The following KIRREL3 variants were observed in gnomAD, a reference collection of about 807,000 sequenced individuals.
The protein encoded by KIRREL3 is kirre like nephrin family adhesion molecule 3.
Under a neutral mutation model 89.7 loss-of-function variants are expected in KIRREL3, and 36 were observed. That is an observed-to-expected ratio of 0.40 (90% CI 0.31 to 0.53). The LOEUF is 0.53. KIRREL3 is among the 20% of genes least tolerant of loss of function. The pLI is 0.49. For synonymous variants in KIRREL3, 445 were observed against 441.4 expected, an observed-to-expected ratio of 1.01 and a Z score of -0.10; for missense variants, 864 against 1,056.6, an observed-to-expected ratio of 0.82 and a Z score of 2.53.
Position 126,443,955 on chromosome 11 carries a change from G to C in KIRREL3, c.1252+1024C>G, listed in dbSNP as rs1037605951. ...AGCATTCGGAAACGGCAGAGGAATC[G>C]AACTGGCAGCTTTGCTTTTTGCCTG... On this transcript the variant is annotated intron_variant, in intron 10 of 16. Coordinates refer to ENST00000525144, the MANE Select transcript of KIRREL3 (RefSeq NM_032531.4). The surrounding 1 kb of genome is among the most constrained non-coding windows in gnomAD (Gnocchi z 7.3). Among the ~76,000 whole-genome samples the C allele has an allele frequency of 2.0e-5, 3 of 152,188 alleles. No homozygotes were observed. Among genetic ancestry groups the C allele is most frequent in the African/African-American group, 7.2e-5 (3 of 41,434 alleles).
At chr11:126,718,489 C>T (rs1948053591) in intron 1 of KIRREL3, among the ~76,000 whole-genome samples, 1 of 152,198 alleles carries the variant, frequency 6.6e-6, no homozygotes, top group African/African-American at 2.4e-5. Flanking sequence ...TTGGCTGTGC[C>T]TGCTTTTGGC....
chr11:126,678,741 A>T (rs1349989526), intron 1 of KIRREL3, among the ~76,000 whole-genome samples: 3 of 151,834 alleles, frequency 2.0e-5, no homozygotes, highest in Non-Finnish European at 4.4e-5. Flanking sequence ...CCCTATGTCC[A>T]CTGCCCAGTC....
rs1950827407 is a variant in KIRREL3 at position 126,796,825 on chromosome 11, TA to T, written c.55+203629del. ...CTGATTTTTTCCCACCCCTGCTTTT[TA>T]AAAATGTTGGTGCTCCAATTAGAGC... On this transcript the variant is annotated intron_variant, in intron 1 of 16. Transcript: ENST00000525144. The surrounding 1 kb of genome is among the most constrained non-coding windows in gnomAD (Gnocchi z 5.1). Among the ~76,000 whole-genome samples, 2 of 152,218 alleles carry T rather than the reference TA, an allele frequency of 1.3e-5. No individual in the cohort carries two copies. The highest frequency in any genetic ancestry group is 4.8e-5 in the African/African-American group (2 of 41,548).
intron 1 of KIRREL3, among the ~76,000 whole-genome samples, chr11:126,626,021 G>C (rs184161854): frequency 1.3e-5 from 2 of 152,372 alleles, no homozygotes; most frequent in Non-Finnish European, 2.9e-5. Context: ...CATGCAGTAA[G>C]TGTACTACAT....
chr11:126,765,107 G>A (rs1245085599), intron 1 of KIRREL3, among the ~76,000 whole-genome samples: 1 of 152,138 alleles, frequency 6.6e-6, no homozygotes, highest in Non-Finnish European at 1.5e-5. Flanking sequence ...AAGAGTTTCT[G>A]GAATCTTCAA....
Position 126,424,956 on chromosome 11 carries a change from A to G in KIRREL3, c.1961T>C (p.Leu654Pro), listed in dbSNP as rs763653865. Residue 654 changes from leucine (L) to proline (P), a missense_variant, in exon 17 of 17, where the codon CTC (leucine) becomes CCC (proline). Transcript: ENST00000525144. ...ACGCAGGTCGGGCTGGCAGCTGGAG[A>G]GGGAGATGGTCGGGGTTGAGTGGTG... is the stretch of plus-strand genomic sequence containing the variant. ...KEHHSTPTIS[L>P]SSCQPDLRPA... 13 of 1,592,276 alleles carry G rather than the reference A, an allele frequency of 8.2e-6. No homozygotes were observed. The highest frequency in any genetic ancestry group is 1.1e-5 in the Non-Finnish European group (13 of 1,166,710).
chr11:126,796,085 T>G lies in KIRREL3; in HGVS notation c.55+204370A>C, dbSNP rs1006961027. On this transcript the variant is annotated intron_variant, in intron 1 of 16. Coordinates refer to ENST00000525144, the MANE Select transcript of KIRREL3 (RefSeq NM_032531.4). This position sits in a 1 kb window ranked among gnomAD's most constrained non-coding sequence, Gnocchi z 5.1. ...ACTAACCTTTCAATGGGACACGTTT[T>G]TATCCATGGGGTCCATGGATCTTAT... Among the ~76,000 whole-genome samples the G allele has an allele frequency of 1.3e-5, 2 of 152,302 alleles. No individual in the cohort carries two copies. The highest frequency in any genetic ancestry group is 4.2e-4 in the South Asian group (2 of 4,818).
chr11:126,940,944 G>A lies in KIRREL3; in HGVS notation c.55+59511C>T, dbSNP rs1387175340. 2.0e-5 allele frequency: 3 copies of A among 151,826 alleles called. No individual in the cohort carries two copies. Among genetic ancestry groups the A allele is most frequent in the Non-Finnish European group, 4.4e-5 (3 of 67,990 alleles). The allele number at this position is 151,826 out of a possible 1,614,324, so 9.4% of individuals were successfully genotyped here. On this transcript the variant is annotated intron_variant, in intron 1 of 16. Transcript: ENST00000525144. This position sits in a 1 kb window ranked among gnomAD's most constrained non-coding sequence, Gnocchi z 4.6. ...GTCCTAGTGAGTTCACTTATGTCTG[G>A]GTTACTGTAGATTTGGGTTTTGCTA... is the stretch of plus-strand genomic sequence containing the variant.
intron 1 of KIRREL3, among the ~76,000 whole-genome samples, chr11:126,794,974 CAGA>C (rs1421167681): frequency 1.8e-4 from 27 of 152,276 alleles, no homozygotes; most frequent in South Asian, 4.1e-4. Context: ...CATTGCTAAG[CAGA>C]AGAAGTCAGT....
rs1956313028 is a variant in KIRREL3, at chr11:126,455,692, A to C, written c.848+657T>G. On this transcript the variant is annotated intron_variant, in intron 7 of 16. Transcript: ENST00000525144. The surrounding 1 kb of genome is among the most constrained non-coding windows in gnomAD (Gnocchi z 6.4). ...GCGCCTGTAGTCCCAGCTACTTGGG[A>C]GGCTGAGGCGGGAGAATGGCGTGAA... Among the ~76,000 whole-genome samples the C allele has an allele frequency of 6.6e-6, 1 of 151,652 alleles. No individual in the cohort carries two copies. Among genetic ancestry groups the C allele is most frequent in the African/African-American group, 2.4e-5 (1 of 41,288 alleles).
In KIRREL3 at chr11:126,443,690, A is replaced by T. The variant is rs1257056955; in HGVS notation, c.1252+1289T>A. On this transcript the variant is annotated intron_variant, in intron 10 of 16. Transcript: ENST00000525144. This position sits in a 1 kb window ranked among gnomAD's most constrained non-coding sequence, Gnocchi z 7.3. ...CAAGCTGGTTTTGGTTTTCTAGCGA[A>T]GGGGAGAATAGATGAGGCCATCAGC... Among the ~76,000 whole-genome samples, 1 of 152,128 alleles carries T rather than the reference A, an allele frequency of 6.6e-6. No homozygotes were observed. The highest frequency in any genetic ancestry group is 1.5e-5 in the Non-Finnish European group (1 of 68,016).
chr11:126,598,830 T>C (rs1371893477), intron 1 of KIRREL3, among the ~76,000 whole-genome samples: 1 of 152,196 alleles, frequency 6.6e-6, no homozygotes, highest in Non-Finnish European at 1.5e-5. Flanking sequence ...GAATAATAAT[T>C]CTGGCTTTGT....
intron 1 of KIRREL3, among the ~76,000 whole-genome samples, chr11:126,707,275 T>A (rs1200718985): frequency 6.7e-6 from 1 of 149,024 alleles, no homozygotes; most frequent in African/African-American, 2.5e-5. Flanking sequence ...GGCTTTTGAC[T>A]GTACATACAT....
At chr11:126,726,505 T>A (rs1191837480) in intron 1 of KIRREL3, among the ~76,000 whole-genome samples, 1 of 152,166 alleles carries the variant, frequency 6.6e-6, no homozygotes, top group Non-Finnish European at 1.5e-5. Flanking sequence ...GTAGCTGAGA[T>A]TACAGGCATG....
chr11:126,851,674 G>C (rs1315324404), intron 1 of KIRREL3, among the ~76,000 whole-genome samples: 2 of 152,166 alleles, frequency 1.3e-5, no homozygotes, highest in African/African-American at 2.4e-5. Flanking sequence ...ATCTTCCAGT[G>C]TGGTTTTCTG....
rs911768875 is a variant in KIRREL3 at position 126,441,020 on chromosome 11, C to A, written c.1253-471G>T. On this transcript the variant is annotated intron_variant, in intron 10 of 16. Coordinates refer to ENST00000525144, the MANE Select transcript of KIRREL3 (RefSeq NM_032531.4). This position sits in a 1 kb window ranked among gnomAD's most constrained non-coding sequence, Gnocchi z 5.0. The stretch of plus-strand genomic sequence containing the variant: ...CCTCAGATATCCAGTAGAGGGCGCC[C>A]TTGCCTAACAAATGGGAGCTGCTCG... 5.1e-5 allele frequency: 9 copies of A among 177,866 alleles called. No homozygotes were observed. The highest frequency in any genetic ancestry group is 1.1e-4 in the Non-Finnish European group (9 of 82,554). The allele number at this position is 177,866 out of a possible 1,614,324, so 11.0% of individuals were successfully genotyped here.
chr11:126,657,248 T>TCAA (rs1565625560), intron 1 of KIRREL3, among the ~76,000 whole-genome samples: 4 of 30,330 alleles, frequency 1.3e-4, no homozygotes, highest in Non-Finnish European at 2.1e-4. Context: ...AAATAAATAA[T>TCAA]TAAATAAATA....
Position 126,923,187 on chromosome 11 carries a change from C to CTTCTTT in KIRREL3, c.55+77267_55+77268insAAAGAA, listed in dbSNP as rs1555090325. 3.8e-3 allele frequency among the ~76,000 whole-genome samples: 90 copies of CTTCTTT among 23,838 alleles called. 23 individuals carry two copies. Among genetic ancestry groups the CTTCTTT allele is most frequent in the South Asian group, 4.4e-3 (2 of 454 alleles). The allele number at this position is 23,838 out of a possible 152,430, so 15.6% of individuals were successfully genotyped here. On this transcript the variant is annotated intron_variant, in intron 1 of 16. Transcript: ENST00000525144. ...TTCTTCTTCTTCTTCTCTTCTTCTT[C>CTTCTTT]TCTTCTTCTTCTTCTTCTTCTTCTT...
In KIRREL3 at chr11:126,535,593, G is replaced by GTGTT. The variant is rs1937792063; in HGVS notation, c.134-8907_134-8906insAACA. On this transcript the variant is annotated intron_variant, in intron 2 of 16. Coordinates refer to ENST00000525144, the MANE Select transcript of KIRREL3 (RefSeq NM_032531.4). The surrounding 1 kb of genome is among the most constrained non-coding windows in gnomAD (Gnocchi z 4.5). ...GGGTCGGGTGTGTGTGTGTGTGTGT[G>GTGTT]CACGTGGGTGTGTTTGTCAGATTAA... 6.6e-6 allele frequency among the ~76,000 whole-genome samples: 1 copy of GTGTT among 151,940 alleles called. No individual in the cohort carries two copies. The highest frequency in any genetic ancestry group is 2.4e-5 in the African/African-American group (1 of 41,364).
Sources: gnomAD v4.1 joint callset for allele counts (sites outside exome capture counted in the v4.1 genomes callset) on GRCh38, gnomAD v4.1.1 for gene constraint, Gnocchi (gnomAD v3.1) non-coding constraint, MANE v1.5 for transcripts, NCBI Gene and HGNC (gene_info 2026-07-23, HGNC 2026-07-21) for gene names.